Variants in DNAH14 observed in about 807,000 individuals in gnomAD.
The protein encoded by DNAH14 is axonemal beta dynein heavy chain 14.
DNAH14 carries 478 observed loss-of-function variants against 520.9 expected under a neutral mutation model. The observed-to-expected ratio is 0.92, with a 90% CI of 0.85 to 0.99. The LOEUF is 0.99. DNAH14 is among the 50% of genes least tolerant of loss of function. The pLI is 0.00. For missense variants in DNAH14, 4,831 were observed against 5,234.5 expected (o/e 0.92, Z 2.38); for synonymous variants, 1,581 against 1,757.2 (o/e 0.90, Z 2.51).
At chr1:225,047,480 T>A (rs1459538052) in intron 15 of DNAH14, among the ~76,000 whole-genome samples, 1 of 152,194 alleles carries the variant, frequency 6.6e-6, no homozygotes, top group African/African-American at 2.4e-5. Context: ...GCCTACAATA[T>A]TCAGTATAGT....
intron 9 of DNAH14, among the ~76,000 whole-genome samples, chr1:225,005,567 T>A (rs1240922606): frequency 1.3e-5 from 2 of 152,100 alleles, no homozygotes; most frequent in Non-Finnish European, 2.9e-5. Flanking sequence ...TTTGAAAAAT[T>A]TGGACCTGGT....
chr1:225,303,489 T>C (rs2094178374), intron 57 of DNAH14, 142 bp downstream of exon 57: 1 of 686,206 alleles, frequency 1.5e-6, no homozygotes, highest in Non-Finnish European at 2.4e-6. Context: ...GTGTTTACAA[T>C]GACTCCCTAT....
intron 13 of DNAH14, among the ~76,000 whole-genome samples, 182 bp from the exon 14 acceptor site, chr1:225,043,562 C>T (rs2067676842): frequency 6.6e-6 from 1 of 152,120 alleles, no homozygotes; most frequent in Non-Finnish European, 1.5e-5. Flanking sequence ...GATGTTTGTC[C>T]TCAGATCTCT....
intron 66 of DNAH14, among the ~76,000 whole-genome samples, chr1:225,336,139 A>G (rs1200445703): frequency 4.0e-5 from 6 of 150,090 alleles, no homozygotes; most frequent in Non-Finnish European, 7.4e-5. Flanking sequence ...GTATATGTAG[A>G]CAGACCTCAA....
intron 8 of DNAH14, among the ~76,000 whole-genome samples, chr1:224,985,924 G>T (rs572065668): frequency 6.6e-6 from 1 of 152,006 alleles, no homozygotes; most frequent in African/African-American, 2.4e-5. Flanking sequence ...CCTCAAAAGG[G>T]TGAATCTAAG....
chr1:225,117,810 C>T (rs1229065055), intron 24 of DNAH14, 22 bp downstream of exon 24: 25 of 1,529,838 alleles, frequency 1.6e-5, no homozygotes, highest in Non-Finnish European at 2.1e-5. Context: ...TTTCTCTGCT[C>T]AGCAATATTA....
At chr1:225,230,008 G>A (rs1477490679) in intron 41 of DNAH14, among the ~76,000 whole-genome samples, 1 of 151,934 alleles carries the variant, frequency 6.6e-6, no homozygotes, top group East Asian at 1.9e-4. Context: ...TGCTGAAGTG[G>A]GTGATAAAAA....
intron 23 of DNAH14, among the ~76,000 whole-genome samples, chr1:225,115,519 C>G (rs1167920346): frequency 1.3e-5 from 2 of 152,082 alleles, no homozygotes; most frequent in African/African-American, 2.4e-5. Flanking sequence ...ATTGCTTTTG[C>G]TTACTGAACA....
intron 27 of DNAH14, among the ~76,000 whole-genome samples, chr1:225,126,729 G>A (rs185164980): frequency 2.6e-5 from 4 of 152,012 alleles, no homozygotes; most frequent in Non-Finnish European, 5.9e-5. Flanking sequence ...CTGATTTTAG[G>A]TATTTCTTCC....
intron 17 of DNAH14, among the ~76,000 whole-genome samples, chr1:225,074,873 C>T (rs531503063): frequency 6.6e-6 from 1 of 152,330 alleles, no homozygotes; most frequent in African/African-American, 2.4e-5. Flanking sequence ...GCTGGAATTC[C>T]AAGCCACTGG....
rs1466135899 is a variant in DNAH14 at position 224,937,107 on chromosome 1, C to T, written c.-34+7272C>T. On this transcript the variant is annotated intron_variant, in intron 1 of 85. Transcript: ENST00000682510. ...CCATATATGACAGACCTACAGCCGA[C>T]ATCAGGGAAAAATTGAAGGCTTTTC... Among the ~76,000 whole-genome samples the T allele has an allele frequency of 2.0e-5, 3 of 151,608 alleles. No individual in the cohort carries two copies. In the East Asian group the frequency reaches 5.8e-4, roughly 29 times the overall value.
At chr1:224,998,399 A>G (rs1017663722) in intron 8 of DNAH14, among the ~76,000 whole-genome samples, 46 of 152,204 alleles carry the variant, frequency 3.0e-4, no homozygotes, top group African/African-American at 1.1e-3. Flanking sequence ...TCTTTAATGT[A>G]AGCATTCAGT....
intron 67 of DNAH14, 100 bp downstream of exon 67, chr1:225,337,596 G>T: frequency 3.3e-6 from 3 of 912,066 alleles, no homozygotes; most frequent in Non-Finnish European, 5.0e-6. Context: ...TAACTGTCAG[G>T]GAAAAAATAA....
intron 73 of DNAH14, chr1:225,357,869 AT>A (rs1246989071): frequency 1.4e-6 from 1 of 701,252 alleles, no homozygotes; most frequent in Non-Finnish European, 2.6e-6. Flanking sequence ...GACAAATATC[AT>A]GTAAGTGATT....
At chr1:224,974,292 AT>A in intron 8 of DNAH14, 139 bp downstream of exon 8, 1 of 465,322 alleles carries the variant, frequency 2.1e-6, no homozygotes, top group Non-Finnish European at 3.6e-6. Context: ...AACTTAACCC[AT>A]TTTTATTTTT....
intron 54 of DNAH14, among the ~76,000 whole-genome samples, chr1:225,282,755 G>T (rs1451443774): frequency 4.6e-5 from 7 of 152,208 alleles, no homozygotes; most frequent in Non-Finnish European, 1.0e-4. Flanking sequence ...GGGAGAGTTT[G>T]ATAGTTACTG....
intron 8 of DNAH14, among the ~76,000 whole-genome samples, chr1:224,977,425 C>T (rs143253612): frequency 2.6e-5 from 4 of 152,086 alleles, no homozygotes; most frequent in African/African-American, 7.2e-5. Flanking sequence ...CGGCATGGCA[C>T]ACGTATACAT....
intron 23 of DNAH14, among the ~76,000 whole-genome samples, chr1:225,109,475 G>C (rs2076321725): frequency 6.6e-6 from 1 of 151,956 alleles, no homozygotes; most frequent in Non-Finnish European, 1.5e-5. Context: ...TGTAGCTGTT[G>C]TAAATGAGAT....
chr1:225,373,063 T>A (rs888988024), intron 77 of DNAH14, among the ~76,000 whole-genome samples: 2 of 151,470 alleles, frequency 1.3e-5, no homozygotes, highest in African/African-American at 2.4e-5. Context: ...AACAAAAAAA[T>A]TCCTTCACAC....
Sources: allele counts gnomAD v4.1 joint callset (sites outside exome capture counted in the v4.1 genomes callset), GRCh38; gene constraint gnomAD v4.1.1; transcripts MANE v1.5; gene names NCBI Gene and HGNC (gene_info 2026-07-23, HGNC 2026-07-21).